Variants in PCMTD1 observed in about 807,000 individuals in gnomAD.
PCMTD1 encodes protein-L-isoaspartate O-methyltransferase domain-containing protein 1.
Under a neutral mutation model 37.6 loss-of-function variants are expected in PCMTD1, and 12 were observed. That is an observed-to-expected ratio of 0.32 (90% CI 0.20 to 0.52). The LOEUF is 0.52. Among genes scored for constraint, PCMTD1 ranks in the 20% least tolerant of loss-of-function variants. PCMTD1 has a pLI of 0.97. For synonymous variants in PCMTD1, 117 were observed against 135.8 expected, an observed-to-expected ratio of 0.86 and a Z score of 0.96; for missense variants, 235 against 421.3, an observed-to-expected ratio of 0.56 and a Z score of 3.87.
intron 1 of PCMTD1, among the ~76,000 whole-genome samples, chr8:51,863,708 A>G (rs2038508460): frequency 6.6e-6 from 1 of 152,142 alleles, no homozygotes; most frequent in South Asian, 2.1e-4. Context: ...GATCACTTGA[A>G]GTCAGGAGCT....
chr8:51,848,331 T>C (rs558302075), intron 2 of PCMTD1, among the ~76,000 whole-genome samples: 1 of 151,748 alleles, frequency 6.6e-6, no homozygotes, highest in South Asian at 2.1e-4. Context: ...AAAAATCTAG[T>C]TACATTTTTA....
intron 5 of PCMTD1, among the ~76,000 whole-genome samples, chr8:51,828,364 A>G (rs1350385595): frequency 6.6e-6 from 1 of 152,242 alleles, no homozygotes; most frequent in Non-Finnish European, 1.5e-5. Context: ...TGTTGCAAGA[A>G]GTAGGGACCA....
chr8:51,821,374 C>CA (rs2037846355), intron 5 of PCMTD1, among the ~76,000 whole-genome samples: 3 of 152,192 alleles, frequency 2.0e-5, no homozygotes. Context: ...CTCCTGAGCT[C>CA]ATGTGATCCT....
At chr8:51,846,111 T>A (rs2038214828) in intron 2 of PCMTD1, among the ~76,000 whole-genome samples, 1 of 152,228 alleles carries the variant, frequency 6.6e-6, no homozygotes, top group Non-Finnish European at 1.5e-5. Context: ...TATTATTTTA[T>A]CATTTGCTAA....
intron 1 of PCMTD1, among the ~76,000 whole-genome samples, chr8:51,880,773 T>C (rs879297040): frequency 3.3e-5 from 5 of 152,208 alleles, no homozygotes; most frequent in African/African-American, 4.8e-5. Context: ...AAAGGCCAGT[T>C]AATAAACATT....
At chr8:51,835,703 C>T (rs1363611028) in intron 3 of PCMTD1, among the ~76,000 whole-genome samples, 5 of 152,128 alleles carry the variant, frequency 3.3e-5, no homozygotes, top group Non-Finnish European at 5.9e-5. Context: ...TATTAAACCA[C>T]TTTATCAAAC....
intron 1 of PCMTD1, among the ~76,000 whole-genome samples, chr8:51,885,405 A>G (rs2038851395): frequency 6.6e-6 from 1 of 152,206 alleles, no homozygotes; most frequent in African/African-American, 2.4e-5. Flanking sequence ...GCAGTTACCA[A>G]TTCTGCCATC....
At chr8:51,821,910 T>A (rs1173604118) in intron 5 of PCMTD1, among the ~76,000 whole-genome samples, 1 of 152,144 alleles carries the variant, frequency 6.6e-6, no homozygotes, top group Admixed American at 6.5e-5. Context: ...TAATTTTTTG[T>A]ATTTTTAGTA....
chr8:51,896,569 T>C lies in PCMTD1; in HGVS notation c.-96+2361A>G, dbSNP rs373669085. ...TTTACAATAACATCCCAATTTACCA[T>C]GGCACCCAGCAGTGTCTAAAGTAAC... On this transcript the variant is annotated intron_variant, in intron 1 of 5. Coordinates refer to ENST00000522514, the MANE Select transcript of PCMTD1 (RefSeq NM_052937.4). Among the ~76,000 whole-genome samples, 110 of 152,296 alleles carry C rather than the reference T, an allele frequency of 7.2e-4. 1 individual carries two copies. The highest frequency in any genetic ancestry group is 2.3e-3 in the African/African-American group (94 of 41,554).
At chr8:51,856,522 G>C (rs1324870472) in intron 2 of PCMTD1, among the ~76,000 whole-genome samples, 1 of 152,182 alleles carries the variant, frequency 6.6e-6, no homozygotes, top group African/African-American at 2.4e-5. Context: ...TAACAGAAAT[G>C]AAAATGTATA....
At chr8:51,826,417 T>G (rs2037921972) in intron 5 of PCMTD1, among the ~76,000 whole-genome samples, 2 of 152,168 alleles carry the variant, frequency 1.3e-5, no homozygotes, top group Admixed American at 6.5e-5. Flanking sequence ...AAATACCTAA[T>G]GTAGGTCATG....
chr8:51,836,324 A>T (rs138170048), intron 3 of PCMTD1, among the ~76,000 whole-genome samples: 1 of 152,338 alleles, frequency 6.6e-6, no homozygotes, highest in East Asian at 1.9e-4. Flanking sequence ...GAGACTTTTT[A>T]GAACAATGTA....
chr8:51,859,683 G>A (rs2038443472), intron 2 of PCMTD1, among the ~76,000 whole-genome samples: 1 of 152,102 alleles, frequency 6.6e-6, no homozygotes. Context: ...AGGAATGAAA[G>A]GACATTATTA....
chr8:51,847,051 C>T (rs888993673), intron 2 of PCMTD1, among the ~76,000 whole-genome samples: 8 of 152,208 alleles, frequency 5.3e-5, no homozygotes, highest in African/African-American at 1.7e-4. Context: ...CAATGTCAAA[C>T]TTTTTGCTTG....
intron 2 of PCMTD1, among the ~76,000 whole-genome samples, chr8:51,855,964 G>T (rs1045614630): frequency 6.6e-6 from 1 of 152,078 alleles, no homozygotes; most frequent in African/African-American, 2.4e-5. Context: ...ACCGCGCCTG[G>T]CCCAGAATGT....
intron 1 of PCMTD1, among the ~76,000 whole-genome samples, chr8:51,897,474 G>C (rs747405572): frequency 3.3e-5 from 5 of 151,400 alleles, no homozygotes; most frequent in Non-Finnish European, 7.4e-5. Flanking sequence ...GAAATTACAA[G>C]TGTTCAACTG....
At chr8:51,836,584 T>TA (rs1397208152) in intron 3 of PCMTD1, among the ~76,000 whole-genome samples, 9 of 151,840 alleles carry the variant, frequency 5.9e-5, no homozygotes, top group African/African-American at 2.2e-4. Context: ...TGAACTAAAT[T>TA]AAAAAAAAGA....
intron 3 of PCMTD1, among the ~76,000 whole-genome samples, chr8:51,835,999 G>T (rs10504128): frequency 6.6e-6 from 1 of 152,086 alleles, no homozygotes; most frequent in African/African-American, 2.4e-5. Context: ...TATTTATTGA[G>T]CACTAGCTTT....
intron 3 of PCMTD1, among the ~76,000 whole-genome samples, chr8:51,836,764 G>C (rs1274051092): frequency 6.6e-6 from 1 of 152,138 alleles, no homozygotes; most frequent in South Asian, 2.1e-4. Context: ...TACAGACACA[G>C]AGTCTTGCTG....
Sources: gnomAD v4.1 joint callset for allele counts (sites outside exome capture counted in the v4.1 genomes callset) on GRCh38, gnomAD v4.1.1 for gene constraint, MANE v1.5 for transcripts, NCBI Gene and HGNC (gene_info 2026-07-23, HGNC 2026-07-21) for gene names.